FLG: variants seen among roughly 807,000 people sequenced by gnomAD.
FLG encodes the protein filaggrin.
A neutral mutation model predicts 3.8 loss-of-function variants in FLG; 6 were observed. The ratio of observed to expected loss-of-function variants is 1.60; its 90% CI spans 0.87 to 3.15. The LOEUF is 3.15. Among genes scored for constraint, FLG ranks in the 30% most tolerant of loss-of-function variants. FLG has a pLI of 0.00. For missense variants in FLG, 7,595 were observed against 5,050.9 expected, an observed-to-expected ratio of 1.50 and a Z score of -15.27; for synonymous variants, 2,551 against 1,931.6, an observed-to-expected ratio of 1.32 and a Z score of -8.41.
rs146590099 is a variant in FLG, at chr1:152,312,465, A to G, written c.2421T>C (p.His807=). 135 of 1,613,358 alleles carry G rather than the reference A, an allele frequency of 8.4e-5. No homozygotes were observed. The East Asian group carries it at 9.4e-4, about 11-fold the overall frequency. ...VSTHKQSESS[H]GWTGPSTGVR... is the part of the protein sequence containing the mutation. ...CTCCAGTGCTGGGCCCTGTCCATCC[A>G]TGGGAGGACTCAGACTGTTTATGAG... The change falls in exon 3 of 3, where the codon CAT becomes CAC. Residue 807 remains histidine (H), a synonymous_variant. Transcript: ENST00000368799.
In FLG at chr1:152,303,728, A is replaced by G; in HGVS notation, c.11158T>C (p.Ser3720Pro). Residue 3720 changes from serine (S) to proline (P), a missense_variant, in exon 3 of 3, where the codon TCT becomes CCT. Transcript: ENST00000368799. The part of the protein sequence containing the change: ...FLYQVSTHEQ[S>P]ESAHGRAGPS... ...CCAGCCCGTCCATGGGCAGACTCAGACTGTTCATGAGTGCTCACCTGGTAG... is the reference window on the plus strand; with the variant it reads ...CCAGCCCGTCCATGGGCAGACTCAGGCTGTTCATGAGTGCTCACCTGGTAG... The G allele has an allele frequency of 6.2e-7, 1 of 1,613,624 alleles. No homozygotes were observed. The highest frequency in any genetic ancestry group is 8.5e-7 in the Non-Finnish European group (1 of 1,179,902).
rs1178862885 is a variant in FLG at position 152,307,616 on chromosome 1, A to G, written c.7270T>C (p.Ser2424Pro). ...CCGGTCCGTCCATGGGCGGACTCAG[A>G]CTGTTCATGAGTGCTCACCTGGTAG... ...FLYQVSTHEQ[S>P]ESAHGRTGTS... Residue 2424 changes from serine to proline, a missense_variant, in exon 3 of 3, where the codon TCT becomes CCT. Physicochemically the swap from Ser to Pro is moderately conservative, Grantham distance 74. Coordinates refer to ENST00000368799, the MANE Select transcript of FLG (RefSeq NM_002016.2). 4 of 1,613,104 alleles carry G rather than the reference A, an allele frequency of 2.5e-6. No individual in the cohort carries two copies. Among genetic ancestry groups the G allele is most frequent in the Non-Finnish European group, 2.5e-6 (3 of 1,179,800 alleles).
chr1:152,314,965 A>G, intron 2 of FLG: 1 of 549,012 alleles, frequency 1.8e-6, no homozygotes, highest in Non-Finnish European at 3.2e-6. Flanking sequence ...GGGGTAAGTG[A>G]CTCTTTTTCT....
In FLG at chr1:152,312,367, G is replaced by A; in HGVS notation, c.2519C>T (p.Thr840Ile). 1.9e-6 allele frequency: 3 copies of A among 1,612,462 alleles called. No homozygotes were observed. Among genetic ancestry groups the A allele is most frequent in the African/African-American group, 1.3e-5 (1 of 74,674 alleles). ...GCTTGACCCCGGGTGTCCACGAATG[G>A]TGTCCTGACCATCTTGGGATGCTGA... ...RHSASQDGQD[T>I]IRGHPGSSRR... The change falls in exon 3 of 3, where the codon ACC (threonine) becomes ATC (isoleucine). Residue 840 changes from threonine (T) to isoleucine (I), a missense_variant. Coordinates refer to ENST00000368799, the MANE Select transcript of FLG (RefSeq NM_002016.2).
At position 152,313,944 on chromosome 1, in the gene FLG, A is replaced by C; in HGVS notation, c.942T>G (p.Ser314=). The change falls in exon 3 of 3, where the codon TCT becomes TCG. Residue 314 remains serine (S), a synonymous_variant. Transcript: ENST00000368799. ...CATGATGGTTTCTGGAAGCCGACCC[A>C]GAGTGCCTCTCAGAGTCTTCTGAGT... is the stretch of plus-strand genomic sequence containing the variant. ...EGHSEDSERH[S]GSASRNHHGS... 1 of 1,612,820 alleles carries C rather than the reference A, an allele frequency of 6.2e-7. No homozygotes were observed.
rs1305843930 is a variant in FLG at position 152,308,599 on chromosome 1, G to A, written c.6287C>T (p.Thr2096Ile). Reference protein sequence around the residue: ...RSGSFLYQVSTHEQSESTHGQ... With the variant: ...RSGSFLYQVSIHEQSESTHGQ... ...ATGGGTGGACTCAGACTGTTCATGA[G>A]TGCTCACCTGGTAGAGGAAAGACCC... is the stretch of plus-strand genomic sequence containing the variant. Residue 2096 changes from threonine (T) to isoleucine (I), a missense_variant, in exon 3 of 3, where the codon ACT (threonine) becomes ATT (isoleucine). Transcript: ENST00000368799. The A allele has an allele frequency of 5.0e-6, 8 of 1,614,016 alleles. No homozygotes were observed. The highest frequency in any genetic ancestry group is 1.6e-4 in the Middle Eastern group (1 of 6,084).
In FLG at chr1:152,311,185, C is replaced by A. The variant is rs745887774; in HGVS notation, c.3701G>T (p.Gly1234Val). 3.1e-6 allele frequency: 5 copies of A among 1,613,646 alleles called. No homozygotes were observed. In the East Asian group the frequency reaches 1.1e-4, roughly 36 times the overall value. ...KQSGDGSRHS[G>V]SRHHEAASWA... Reference sequence around the variant, plus strand: ...AGAGGCAGCTTCATGGTGACGTGACCCTGAGTGCCTGGAGCCGTCTCCTGA... The same window carrying A: ...AGAGGCAGCTTCATGGTGACGTGACACTGAGTGCCTGGAGCCGTCTCCTGA... Residue 1234 changes from glycine to valine, a missense_variant, in exon 3 of 3, where the codon GGG becomes GTG. Transcript: ENST00000368799.
chr1:152,302,950 T>C lies in FLG; in HGVS notation c.11936A>G (p.Tyr3979Cys), dbSNP rs773629081. 3.7e-6 allele frequency: 6 copies of C among 1,614,032 alleles called. No homozygotes were observed. In the East Asian group the frequency reaches 1.3e-4, roughly 36 times the overall value. ...ACCATAATCATAATCTGCACTACCATAGCTGCCATGTCTCCAAACTAAACC... is the reference window on the plus strand; with the variant it reads ...ACCATAATCATAATCTGCACTACCACAGCTGCCATGTCTCCAAACTAAACC... Reference protein sequence around the residue: ...QSGLVWRHGSYGSADYDYGES... With the variant: ...QSGLVWRHGSCGSADYDYGES... Residue 3979 changes from tyrosine to cysteine, a missense_variant, in exon 3 of 3, where the codon TAT becomes TGT. Coordinates refer to ENST00000368799, the MANE Select transcript of FLG (RefSeq NM_002016.2).
In FLG at chr1:152,309,988, G is replaced by A; in HGVS notation, c.4898C>T (p.Pro1633Leu). The A allele has an allele frequency of 1.2e-6, 2 of 1,613,894 alleles. No homozygotes were observed. The highest frequency in any genetic ancestry group is 2.2e-5 in the East Asian group (1 of 44,844). ...REQSRHGSRN[P>L]RSHQEDRASH... ...GGCTCTATCTTCTTGATGGGACCTGGGGTTCCTGGAGCCATGTCTTGACTG... is the reference window on the plus strand; with the variant it reads ...GGCTCTATCTTCTTGATGGGACCTGAGGTTCCTGGAGCCATGTCTTGACTG... Residue 1633 changes from proline to leucine, a missense_variant, in exon 3 of 3, where the codon CCC becomes CTC. Coordinates refer to ENST00000368799, the MANE Select transcript of FLG (RefSeq NM_002016.2).
chr1:152,314,775 A>G, intron 2 of FLG, 28 bp from the exon 3 acceptor site: 1 of 1,613,506 alleles, frequency 6.2e-7, no homozygotes, highest in South Asian at 1.1e-5. Flanking sequence ...ACAGAGGGAG[A>G]CTGCATCAGA....
At position 152,311,287 on chromosome 1, in the gene FLG, G is replaced by A; in HGVS notation, c.3599C>T (p.Ser1200Phe). 1.2e-6 allele frequency: 2 copies of A among 1,613,864 alleles called. No homozygotes were observed. The highest frequency in any genetic ancestry group is 1.7e-6 in the Non-Finnish European group (2 of 1,179,986). ...HSGSHHSHTT[S>F]QGRSDASHGQ... ...ATGGGAGGCATCAGACCTTCCCTGG[G>A]ATGTGGTGTGGCTGTGATGGGACCC... Residue 1200 changes from serine (S) to phenylalanine (F), a missense_variant, in exon 3 of 3, where the codon TCC (serine) becomes TTC (phenylalanine). By Grantham distance (155) the Ser-to-Phe change is radical (BLOSUM62 -2). Transcript: ENST00000368799.
At position 152,308,635 on chromosome 1, in the gene FLG, G is replaced by T; in HGVS notation, c.6251C>A (p.Ser2084Tyr). ...ESARGQSGESSGRSGSFLYQV... is the reference protein window; with the variant it reads ...ESARGQSGESYGRSGSFLYQV... ...GTAGAGGAAAGACCCTGAACGTCCA[G>T]AGCTTTCCCCTGACTGGCCACGTGC... The change falls in exon 3 of 3, where the codon TCT (serine) becomes TAT (tyrosine). Residue 2084 changes from serine to tyrosine, a missense_variant. Transcript: ENST00000368799. The T allele has an allele frequency of 6.2e-7, 1 of 1,614,138 alleles. No individual in the cohort carries two copies. Among genetic ancestry groups the T allele is most frequent in the Non-Finnish European group, 8.5e-7 (1 of 1,180,010 alleles).
At position 152,313,792 on chromosome 1, in the gene FLG, G is replaced by C. The variant is rs772855799; in HGVS notation, c.1094C>G (p.Ser365Cys). 1.5e-5 allele frequency: 25 copies of C among 1,614,050 alleles called. No homozygotes were observed. The highest frequency in any genetic ancestry group is 2.0e-5 in the Non-Finnish European group (24 of 1,180,024). Residue 365 changes from serine (S) to cysteine (C), a missense_variant, in exon 3 of 3, where the codon TCT becomes TGT. Physicochemically the swap from Ser to Cys is moderately radical, Grantham distance 112. Coordinates refer to ENST00000368799, the MANE Select transcript of FLG (RefSeq NM_002016.2). ...ATGGGATGATGCAGTCTGTCCACGA[G>C]AGGAAGTCTCTGCGTGACGAGTGCC... ...QSGTRHAETS[S>C]RGQTASSHEQ... is the part of the protein sequence containing the mutation.
chr1:152,307,263 G>A lies in FLG; in HGVS notation c.7623C>T (p.Ala2541=), dbSNP rs770355106. 6.2e-6 allele frequency: 10 copies of A among 1,612,852 alleles called. No homozygotes were observed. The highest frequency in any genetic ancestry group is 8.5e-6 in the Non-Finnish European group (10 of 1,179,960). The change falls in exon 3 of 3, where the codon GCC becomes GCT. Residue 2541 remains alanine (A), a synonymous_variant. Transcript: ENST00000368799. ...GSRHHEASSR[A]DSSGHSQVGQ... The stretch of plus-strand genomic sequence containing the variant: ...CCACCTGCGAGTGTCCAGAGCTGTC[G>A]GCCCGAGAGGAAGCTTCATGGTGAC...
intron 2 of FLG, chr1:152,315,014 G>A: frequency 2.3e-6 from 1 of 437,732 alleles, no homozygotes; most frequent in Non-Finnish European, 4.0e-6. Context: ...TCATTACTTA[G>A]TTGTCTTTAA....
chr1:152,315,666 A>T (rs766527363), intron 1 of FLG, among the ~76,000 whole-genome samples, 189 bp from the exon 2 acceptor site: 32 of 152,194 alleles, frequency 2.1e-4, no homozygotes, highest in Non-Finnish European at 4.4e-4. Context: ...TCCTGACTTA[A>T]ATAAAATTGC....
At position 152,309,477 on chromosome 1, in the gene FLG, G is replaced by A. The variant is rs770418045; in HGVS notation, c.5409C>T (p.His1803=). Residue 1803 remains histidine (H), a synonymous_variant, in exon 3 of 3, where the codon CAC becomes CAT. Coordinates refer to ENST00000368799, the MANE Select transcript of FLG (RefSeq NM_002016.2). ...TGTCCTGACCCTCTTGGGACGCTGAGTGCCTGGAGCTGTCTCGTGCCTGCT... is the reference window on the plus strand; with the variant it reads ...TGTCCTGACCCTCTTGGGACGCTGAATGCCTGGAGCTGTCTCGTGCCTGCT... ...RHEQARDSSR[H]SASQEGQDTI... 9 of 1,613,666 alleles carry A rather than the reference G, an allele frequency of 5.6e-6. No homozygotes were observed. Among genetic ancestry groups the A allele is most frequent in the African/African-American group, 4.0e-5 (3 of 74,802 alleles).
Position 152,311,114 on chromosome 1 carries a change from A to G in FLG, c.3772T>C (p.Ser1258Pro), listed in dbSNP as rs765104950. The G allele has an allele frequency of 1.9e-6, 3 of 1,613,362 alleles. No individual in the cohort carries two copies. The highest frequency in any genetic ancestry group is 1.1e-5 in the South Asian group (1 of 91,030). ...RHSQVGQEQS[S>P]GSRTSRHQGS... Reference sequence around the variant, plus strand: ...TGGTGCCTGCTTGTCCTGGACCCCGATGATTGTTCCTGTCCCACCTGTGAG... The same window carrying G: ...TGGTGCCTGCTTGTCCTGGACCCCGGTGATTGTTCCTGTCCCACCTGTGAG... Residue 1258 changes from serine (S) to proline (P), a missense_variant, in exon 3 of 3, where the codon TCG becomes CCG. Coordinates refer to ENST00000368799, the MANE Select transcript of FLG (RefSeq NM_002016.2).
intron 1 of FLG, among the ~76,000 whole-genome samples, chr1:152,318,939 A>G (rs780019305): frequency 1.6e-4 from 25 of 151,858 alleles, no homozygotes; most frequent in Non-Finnish European, 3.0e-4. Context: ...GTTTTGTGGT[A>G]GAGGGGACAT....
Sources: allele counts gnomAD v4.1 joint callset (sites outside exome capture counted in the v4.1 genomes callset), GRCh38; gene constraint gnomAD v4.1.1; transcripts MANE v1.5; gene names NCBI Gene and HGNC (gene_info 2026-07-23, HGNC 2026-07-21).